The following GNA14 variants were observed in gnomAD, a reference collection of about 807,000 sequenced individuals.
GNA14 encodes G protein subunit alpha 14.
In GNA14, 50 loss-of-function variants were observed where a neutral mutation model predicts 42.0. That is an observed-to-expected ratio of 1.19 (90% confidence interval 0.95 to 1.51). The LOEUF (loss-of-function observed/expected upper bound fraction) is 1.51. GNA14 is among the 40% of genes most tolerant of loss of function. The probability of loss-of-function intolerance (pLI) is 0.00; values close to 1 mark genes in which losing one functional copy is unlikely to be tolerated. For synonymous variants in GNA14, 173 were observed against 163.1 expected (o/e 1.06, Z -0.46); for missense variants, 473 against 446.2 (o/e 1.06, Z -0.54).
chr9:77,619,293 G>C (rs1823884771), intron 1 of GNA14, among the ~76,000 whole-genome samples: 1 of 152,098 alleles, frequency 6.6e-6, no homozygotes, highest in Non-Finnish European at 1.5e-5. Flanking sequence ...TGCAACCTCC[G>C]CCTCCTGGGT....
intron 3 of GNA14, among the ~76,000 whole-genome samples, chr9:77,434,024 T>G (rs1187751400): frequency 6.6e-6 from 1 of 152,148 alleles, no homozygotes; most frequent in Non-Finnish European, 1.5e-5. Flanking sequence ...AGCAAGGGTA[T>G]TTCTTGTTTA....
chr9:77,515,362 G>A (rs1195627111), intron 2 of GNA14, among the ~76,000 whole-genome samples: 1 of 152,172 alleles, frequency 6.6e-6, no homozygotes, highest in Non-Finnish European at 1.5e-5. Context: ...TGGGCTTGAA[G>A]GAGCATTGTG....
intron 2 of GNA14, among the ~76,000 whole-genome samples, chr9:77,457,121 G>A (rs770503960): frequency 6.6e-6 from 1 of 152,228 alleles, no homozygotes; most frequent in Admixed American, 6.5e-5. Context: ...CCAGAACGAC[G>A]TAGCTAGGTT....
At chr9:77,582,935 C>T (rs909675838) in intron 1 of GNA14, among the ~76,000 whole-genome samples, 1 of 152,176 alleles carries the variant, frequency 6.6e-6, no homozygotes, top group Admixed American at 6.5e-5. Context: ...TAATGGAAAC[C>T]TCACTCTGAC....
chr9:77,587,021 T>G (rs1163323767), intron 1 of GNA14, among the ~76,000 whole-genome samples: 1 of 151,936 alleles, frequency 6.6e-6, no homozygotes, highest in African/African-American at 2.4e-5. Context: ...TGGGGGCTGC[T>G]TTTTATTAAA....
intron 1 of GNA14, among the ~76,000 whole-genome samples, chr9:77,599,238 A>C (rs1429805266): frequency 6.6e-6 from 1 of 152,236 alleles, no homozygotes; most frequent in African/African-American, 2.4e-5. Context: ...TTGGCAATAT[A>C]ATAGCATAGC....
chr9:77,610,988 G>A (rs1348870229), intron 1 of GNA14, among the ~76,000 whole-genome samples: 1 of 152,156 alleles, frequency 6.6e-6, no homozygotes. Flanking sequence ...TAATAATGCA[G>A]AATGAATAGG....
Position 77,647,893 on chromosome 9 carries a change from G to T in GNA14, c.-100C>A. 1 of 1,412,180 alleles carries T rather than the reference G, an allele frequency of 7.1e-7. No individual in the cohort carries two copies. The highest frequency in any genetic ancestry group is 9.5e-7 in the Non-Finnish European group (1 of 1,051,664). 87.5% of individuals were successfully genotyped at this position (1,412,180 alleles called of 1,614,324 possible). On this transcript the variant is annotated 5_prime_UTR_variant, in exon 1 of 7. Coordinates refer to ENST00000341700, the MANE Select transcript of GNA14 (RefSeq NM_004297.4). ...GCCAGCATGCGACGGGCACAGGGGTGTGGAAAGAAAAGACGGGGGCCGACT... is the reference window on the plus strand; with the variant it reads ...GCCAGCATGCGACGGGCACAGGGGTTTGGAAAGAAAAGACGGGGGCCGACT...
intron 1 of GNA14, among the ~76,000 whole-genome samples, chr9:77,563,640 AG>A (rs1822918708): frequency 6.6e-6 from 1 of 152,186 alleles, no homozygotes; most frequent in Non-Finnish European, 1.5e-5. Flanking sequence ...AGCAGAACAT[AG>A]AAATAGGAGA....
chr9:77,500,207 G>A (rs188699294), intron 2 of GNA14, among the ~76,000 whole-genome samples: 69 of 151,928 alleles, frequency 4.5e-4, no homozygotes, highest in African/African-American at 1.5e-3. Flanking sequence ...CAGTAGAGAC[G>A]GGGTTTGACC....
At chr9:77,511,742 T>A (rs1837174121) in intron 2 of GNA14, among the ~76,000 whole-genome samples, 1 of 152,150 alleles carries the variant, frequency 6.6e-6, no homozygotes, top group South Asian at 2.1e-4. Flanking sequence ...TGTCTGCCTC[T>A]GTCAACAAAA....
intron 2 of GNA14, among the ~76,000 whole-genome samples, chr9:77,494,060 A>G (rs1172500812): frequency 3.3e-5 from 5 of 152,078 alleles, no homozygotes. Flanking sequence ...AGCTTGGATT[A>G]CAGGCACACA....
intron 1 of GNA14, among the ~76,000 whole-genome samples, chr9:77,641,846 G>GT (rs1284583946): frequency 2.0e-5 from 3 of 152,106 alleles, no homozygotes; most frequent in Non-Finnish European, 4.4e-5. Flanking sequence ...CTGCGCTTAT[G>GT]TAAGAGATTA....
chr9:77,581,845 TTAAA>T (rs1420280841), intron 1 of GNA14, among the ~76,000 whole-genome samples: 1 of 152,148 alleles, frequency 6.6e-6, no homozygotes, highest in African/African-American at 2.4e-5. Context: ...CTCTGCCACC[TTAAA>T]TAAATACAGG....
chr9:77,521,464 C>A (rs1837353450), intron 2 of GNA14, among the ~76,000 whole-genome samples: 1 of 152,122 alleles, frequency 6.6e-6, no homozygotes, highest in South Asian at 2.1e-4. Context: ...GAAAAACTCT[C>A]CAATAAAAAA....
intron 1 of GNA14, among the ~76,000 whole-genome samples, chr9:77,592,315 C>T (rs573051228): frequency 2.0e-5 from 3 of 152,276 alleles, no homozygotes; most frequent in African/African-American, 7.2e-5. Flanking sequence ...TGTGCTTACA[C>T]GCGCATGTGT....
chr9:77,631,990 T>C (rs1303601404), intron 1 of GNA14, among the ~76,000 whole-genome samples: 3 of 152,146 alleles, frequency 2.0e-5, no homozygotes, highest in Admixed American at 6.5e-5. Context: ...GGCATCCCTG[T>C]GCTCTCAGGG....
intron 1 of GNA14, among the ~76,000 whole-genome samples, chr9:77,643,500 A>G (rs1824302277): frequency 6.6e-6 from 1 of 152,040 alleles, no homozygotes; most frequent in East Asian, 1.9e-4. Context: ...CAGCCTCCCA[A>G]AGTGCTGCGA....
intron 1 of GNA14, among the ~76,000 whole-genome samples, chr9:77,634,038 A>G (rs1281967252): frequency 6.6e-6 from 1 of 152,248 alleles, no homozygotes; most frequent in East Asian, 1.9e-4. Flanking sequence ...AAAGTAAAGC[A>G]ACAGAAAAGA....
Sources: allele counts gnomAD v4.1 joint callset (sites outside exome capture counted in the v4.1 genomes callset), GRCh38; gene constraint gnomAD v4.1.1; transcripts MANE v1.5; gene names NCBI Gene and HGNC (gene_info 2026-07-23, HGNC 2026-07-21).